Variants in ERBIN observed in about 807,000 individuals in gnomAD.
ERBIN encodes densin-180-like protein.
A neutral mutation model predicts 158.4 loss-of-function variants in ERBIN; 60 were observed. That is an observed-to-expected ratio of 0.38 (90% CI 0.31 to 0.47). The LOEUF (loss-of-function observed/expected upper bound fraction) is 0.47, where lower values mean the gene tolerates loss of function less well. Among genes scored for constraint, ERBIN ranks in the 20% least tolerant of loss-of-function variants. The pLI, the probability that ERBIN is intolerant of heterozygous loss-of-function variation, is 0.99. For synonymous variants in ERBIN, 594 were observed against 557.2 expected, an observed-to-expected ratio of 1.07 and a Z score of -0.93; for missense variants, 1,610 against 1,648.0, an observed-to-expected ratio of 0.98 and a Z score of 0.40.
At chr5:66,076,995 T>C (rs370004770) in intron 25 of ERBIN, 46 bp downstream of exon 25, 4 of 1,321,908 alleles carry the variant, frequency 3.0e-6, no homozygotes. Flanking sequence ...AACACTCTAA[T>C]GTTTTCACAG....
At position 66,082,425 on chromosome 5, in the gene ERBIN, C is replaced by T. The variant is rs575534998; in HGVS notation, c.*3895C>T. On this transcript the variant is annotated 3_prime_UTR_variant, in exon 26 of 26. Coordinates refer to ENST00000284037, the MANE Select transcript of ERBIN (RefSeq NM_001253697.2). ...TCTGCCCATCTAGCTTCTCAATCGG[C>T]CCACGGTTTTATTTCAGGATAAAAT... The T allele has an allele frequency of 3.4e-4, 52 of 152,306 alleles. No homozygotes were observed. The highest frequency in any genetic ancestry group is 1.2e-3 in the African/African-American group (51 of 41,560). The allele number at this position is 152,306 out of a possible 1,614,324, so 9.4% of individuals were successfully genotyped here. A position where few individuals can be genotyped will look rare whatever the true frequency, so the allele number is the denominator to read the frequency against.
intron 21 of ERBIN, among the ~76,000 whole-genome samples, chr5:66,065,358 C>T (rs924522405): frequency 1.3e-4 from 15 of 111,130 alleles, no homozygotes; most frequent in African/African-American, 3.6e-4. Context: ...GTGATATGTA[C>T]ACCCTTAAGA....
In ERBIN at chr5:66,015,155, C is replaced by A. The variant is rs987836194; in HGVS notation, c.533+430C>A. On this transcript the variant is annotated intron_variant, in intron 7 of 25. Transcript: ENST00000284037. ...TGTAGTGTATTGTAAATTAGAAATGCGATGATTGGTTCCCTAATGATAAGC... is the reference window on the plus strand; with the variant it reads ...TGTAGTGTATTGTAAATTAGAAATGAGATGATTGGTTCCCTAATGATAAGC... Among the ~76,000 whole-genome samples the A allele has an allele frequency of 4.0e-5, 6 of 151,880 alleles. No homozygotes were observed. In the South Asian group the frequency reaches 1.0e-3, roughly 26 times the overall value.
Position 66,044,299 on chromosome 5 carries a change from G to A in ERBIN, c.1591G>A (p.Val531Met), listed in dbSNP as rs766536039. Reference sequence around the variant, plus strand: ...AGATCAACAAGATATAAATAAAGATGTGGGTGTGAAGGTTAGAAAATTCAA... The same window carrying A: ...AGATCAACAAGATATAAATAAAGATATGGGTGTGAAGGTTAGAAAATTCAA... ...HEDQQDINKD[V>M]GVKTSESTTT... The change falls in exon 17 of 26, where the codon GTG (valine) becomes ATG (methionine). Residue 531 changes from valine (V) to methionine (M), a missense_variant. Val to Met is a conservative substitution (Grantham distance 21). This residue lies in a region of ERBIN where 596 missense variants were observed against 711.9 expected (regional missense o/e 0.84). Coordinates refer to ENST00000284037, the MANE Select transcript of ERBIN (RefSeq NM_001253697.2). The A allele has an allele frequency of 4.8e-5, 77 of 1,591,176 alleles. No homozygotes were observed. The highest frequency in any genetic ancestry group is 6.5e-5 in the Non-Finnish European group (76 of 1,173,782).
At chr5:66,072,834 A>T (rs927211844) in intron 22 of ERBIN, among the ~76,000 whole-genome samples, 11 of 151,832 alleles carry the variant, frequency 7.2e-5, no homozygotes, top group African/African-American at 2.7e-4. Flanking sequence ...ATTTTTTCTT[A>T]TTTTCTTAAC....
chr5:66,048,407 G>A (rs990837153), intron 18 of ERBIN, among the ~76,000 whole-genome samples: 5 of 151,804 alleles, frequency 3.3e-5, no homozygotes, highest in African/African-American at 9.7e-5. Flanking sequence ...GATGCAGCAC[G>A]TGAACATCTC....
intron 14 of ERBIN, among the ~76,000 whole-genome samples, chr5:66,029,502 A>G (rs936528482): frequency 6.6e-6 from 1 of 152,172 alleles, no homozygotes; most frequent in African/African-American, 2.4e-5. Flanking sequence ...TTAATACAGT[A>G]AAGAAACCCG....
At chr5:66,076,275 T>G in intron 23 of ERBIN, 41 bp from the exon 24 acceptor site, 1 of 1,518,000 alleles carries the variant, frequency 6.6e-7, no homozygotes. Context: ...TTATAACTTT[T>G]TCTGAAATAG....
At chr5:66,013,485 T>TAGATTTTAATA (rs1754419977) in intron 5 of ERBIN, 64 bp from the exon 6 acceptor site, 1 of 1,146,966 alleles carries the variant, frequency 8.7e-7, no homozygotes, top group African/African-American at 1.5e-5. Flanking sequence ...GTGAGAGTCT[T>TAGATTTTAATA]AGATTTTAAT....
At chr5:66,031,753 G>A (rs1018869464) in intron 14 of ERBIN, among the ~76,000 whole-genome samples, 1 of 152,280 alleles carries the variant, frequency 6.6e-6, no homozygotes, top group East Asian at 1.9e-4. Context: ...GATCCTTTGA[G>A]CCCAGGAGTT....
chr5:65,998,637 C>G (rs911183789), intron 4 of ERBIN, among the ~76,000 whole-genome samples: 4 of 152,030 alleles, frequency 2.6e-5, no homozygotes, highest in Admixed American at 6.6e-5. Flanking sequence ...TGGCTCACAC[C>G]TGTAATCCCA....
At chr5:66,058,183 C>G (rs1227948867) in intron 21 of ERBIN, among the ~76,000 whole-genome samples, 1 of 151,802 alleles carries the variant, frequency 6.6e-6, no homozygotes, top group Non-Finnish European at 1.5e-5. Context: ...TCTCCACATC[C>G]TCTCCAGCAC....
chr5:66,016,330 T>G (rs975276629), intron 7 of ERBIN, among the ~76,000 whole-genome samples: 1 of 152,248 alleles, frequency 6.6e-6, no homozygotes, highest in Non-Finnish European at 1.5e-5. Context: ...CTATAATTAC[T>G]ATGTGATATC....
At chr5:65,941,280 C>T (rs1230452057) in intron 1 of ERBIN, among the ~76,000 whole-genome samples, 2 of 141,336 alleles carry the variant, frequency 1.4e-5, no homozygotes, top group South Asian at 4.4e-4. Flanking sequence ...CCTGCCAAAT[C>T]CTCCTCTGTG....
chr5:66,035,945 C>T (rs1757352034), intron 14 of ERBIN, among the ~76,000 whole-genome samples: 1 of 151,878 alleles, frequency 6.6e-6, no homozygotes, highest in South Asian at 2.1e-4. Context: ...AAGAAATAGC[C>T]AGGCACAGTG....
At chr5:66,057,610 T>C (rs1254392960) in intron 21 of ERBIN, among the ~76,000 whole-genome samples, 1 of 151,994 alleles carries the variant, frequency 6.6e-6, no homozygotes, top group East Asian at 1.9e-4. Context: ...TGCAGGTTTG[T>C]TTCATATGTA....
intron 1 of ERBIN, among the ~76,000 whole-genome samples, chr5:65,950,083 G>A (rs1746318563): frequency 6.6e-6 from 1 of 152,164 alleles, no homozygotes; most frequent in Non-Finnish European, 1.5e-5. Context: ...TCTGCTCACT[G>A]CAGCCTCCGC....
intron 1 of ERBIN, among the ~76,000 whole-genome samples, chr5:65,964,079 G>A (rs994270463): frequency 3.9e-5 from 6 of 152,270 alleles, no homozygotes; most frequent in Non-Finnish European, 5.9e-5. Context: ...GATTACAGGC[G>A]TGAGCCACTG....
rs543698388 is a variant in ERBIN, at chr5:66,066,388, A to G, written c.3634-5781A>G. Among the ~76,000 whole-genome samples the G allele has an allele frequency of 1.6e-4, 24 of 152,188 alleles. 1 individual carries two copies. In the South Asian group the frequency reaches 1.7e-3, roughly 11 times the overall value. ...TGGGGGCTTTCACAGTGCCTGCCCT[A>G]CCTCATGAGGTCAGTTCCCAAATTA... On this transcript the variant is annotated intron_variant, in intron 21 of 25. Coordinates refer to ENST00000284037, the MANE Select transcript of ERBIN (RefSeq NM_001253697.2).
Sources: allele counts gnomAD v4.1 joint callset (sites outside exome capture counted in the v4.1 genomes callset), GRCh38; gene constraint gnomAD v4.1.1; regional missense constraint gnomAD v4.1.1; transcripts MANE v1.5; gene names NCBI Gene and HGNC (gene_info 2026-07-23, HGNC 2026-07-21).